The following CPNE4 variants were observed in gnomAD, a reference collection of about 807,000 sequenced individuals.
CPNE4 encodes the protein copine-4.
CPNE4 carries 25 observed loss-of-function variants against 67.9 expected under a neutral mutation model. The observed-to-expected ratio is 0.37, with a 90% confidence interval of 0.27 to 0.51. The LOEUF is 0.51. Among genes scored for constraint, CPNE4 ranks in the 20% least tolerant of loss-of-function variants. The pLI is 0.93. For missense variants in CPNE4, 464 were observed against 690.8 expected, an observed-to-expected ratio of 0.67 and a Z score of 3.68; for synonymous variants, 242 against 244.9, an observed-to-expected ratio of 0.99 and a Z score of 0.11.
chr3:131,631,853 T>C (rs527741611), intron 7 of CPNE4, among the ~76,000 whole-genome samples: 8 of 151,728 alleles, frequency 5.3e-5, no homozygotes, highest in Admixed American at 3.3e-4. Flanking sequence ...AGTTCTGTGA[T>C]AGGTGCTTTA....
At chr3:131,632,096 G>A (rs2079241039) in intron 7 of CPNE4, among the ~76,000 whole-genome samples, 1 of 150,546 alleles carries the variant, frequency 6.6e-6, no homozygotes. Flanking sequence ...TGCAGCCTCC[G>A]CCTCCTGGGC....
chr3:131,658,201 T>C (rs753378669), intron 7 of CPNE4, among the ~76,000 whole-genome samples: 4 of 152,162 alleles, frequency 2.6e-5, no homozygotes, highest in Non-Finnish European at 5.9e-5. Context: ...AGTCAGTTCT[T>C]CCAGGTCCCA....
At chr3:131,925,226 T>C (rs2070862089) in intron 1 of CPNE4, among the ~76,000 whole-genome samples, 1 of 151,538 alleles carries the variant, frequency 6.6e-6, no homozygotes, top group Non-Finnish European at 1.5e-5. Flanking sequence ...CTCTTCCCCC[T>C]TGCACTCTAC....
At chr3:131,610,868 C>T (rs751566546) in intron 7 of CPNE4, among the ~76,000 whole-genome samples, 15 of 152,022 alleles carry the variant, frequency 9.9e-5, no homozygotes, top group Non-Finnish European at 1.5e-4. Context: ...TCCAAGTGTA[C>T]GGGGAGTGGA....
At chr3:131,913,043 G>A (rs1050168420) in intron 1 of CPNE4, among the ~76,000 whole-genome samples, 2 of 152,156 alleles carry the variant, frequency 1.3e-5, no homozygotes, top group Non-Finnish European at 2.9e-5. Flanking sequence ...TACAGATCTA[G>A]TATTGAAGCA....
intron 2 of CPNE4, among the ~76,000 whole-genome samples, chr3:131,728,786 T>G (rs949284961): frequency 4.6e-5 from 7 of 150,746 alleles, no homozygotes; most frequent in Non-Finnish European, 1.0e-4. Context: ...GGCAGGCGCC[T>G]GTAGTCCCAG....
At chr3:131,547,699 C>A (rs1032670456) in intron 14 of CPNE4, among the ~76,000 whole-genome samples, 6 of 151,994 alleles carry the variant, frequency 3.9e-5, no homozygotes, top group African/African-American at 1.4e-4. Context: ...ATTCACTATT[C>A]TAAAGTAATT....
intron 1 of CPNE4, among the ~76,000 whole-genome samples, chr3:131,930,156 A>C (rs1211994193): frequency 1.3e-5 from 2 of 152,176 alleles, no homozygotes. Flanking sequence ...TTAACTTTCT[A>C]ATCAGAAAGC....
intron 3 of CPNE4, 82 bp from the exon 4 acceptor site, chr3:131,700,062 T>C: frequency 1.4e-6 from 1 of 740,680 alleles, no homozygotes; most frequent in Admixed American, 3.2e-5. Flanking sequence ...ACCTTTTTTT[T>C]TTTTTTTTTT....
At chr3:131,850,946 T>C (rs2086217015) in intron 2 of CPNE4, among the ~76,000 whole-genome samples, 1 of 152,090 alleles carries the variant, frequency 6.6e-6, no homozygotes, top group Non-Finnish European at 1.5e-5. Context: ...AATATGTACA[T>C]GCTCCATGAT....
chr3:131,692,377 G>T, intron 5 of CPNE4, among the ~76,000 whole-genome samples: 1 of 152,112 alleles, frequency 6.6e-6, no homozygotes, highest in Middle Eastern at 3.2e-3. Flanking sequence ...CATAATAGAT[G>T]CTCAATAATT....
intron 2 of CPNE4, among the ~76,000 whole-genome samples, chr3:131,902,841 A>G (rs567684219): frequency 1.3e-5 from 2 of 152,274 alleles, no homozygotes; most frequent in South Asian, 2.1e-4. Context: ...TAATGAGACT[A>G]ACAAAGTCAA....
chr3:131,821,070 CAT>C (rs774040442), intron 2 of CPNE4, among the ~76,000 whole-genome samples: 1 of 152,200 alleles, frequency 6.6e-6, no homozygotes, highest in Non-Finnish European at 1.5e-5. Flanking sequence ...GTAATCAACA[CAT>C]GTCTCATATT....
At chr3:131,700,014 A>G (rs752251387) in intron 3 of CPNE4, 34 bp from the exon 4 acceptor site, 5 of 1,381,568 alleles carry the variant, frequency 3.6e-6, no homozygotes, top group Non-Finnish European at 5.1e-6. Context: ...AACAAAAGGT[A>G]GAGATACTAG....
At chr3:131,716,012 A>G (rs576458011) in intron 3 of CPNE4, among the ~76,000 whole-genome samples, 1 of 152,228 alleles carries the variant, frequency 6.6e-6, no homozygotes, top group African/African-American at 2.4e-5. Flanking sequence ...AAGAATGGTC[A>G]ATTCTCCTTG....
chr3:131,611,736 T>C (rs1287260041), intron 7 of CPNE4, among the ~76,000 whole-genome samples: 1 of 152,124 alleles, frequency 6.6e-6, no homozygotes, highest in Non-Finnish European at 1.5e-5. Flanking sequence ...GACTTTCTTC[T>C]GACATTTGTA....
At chr3:131,816,819 T>G (rs750162343) in intron 2 of CPNE4, among the ~76,000 whole-genome samples, 13 of 152,196 alleles carry the variant, frequency 8.5e-5, no homozygotes, top group African/African-American at 3.1e-4. Flanking sequence ...TACCCTATAA[T>G]GTCAGCCTAC....
chr3:131,917,714 A>G (rs763211348), intron 1 of CPNE4, among the ~76,000 whole-genome samples: 5 of 152,184 alleles, frequency 3.3e-5, no homozygotes, highest in Non-Finnish European at 7.3e-5. Context: ...AGATCTCTCC[A>G]CTAGCACAGA....
intron 14 of CPNE4, among the ~76,000 whole-genome samples, chr3:131,547,039 A>C (rs903871396): frequency 3.2e-4 from 49 of 152,190 alleles, no homozygotes; most frequent in African/African-American, 1.1e-3. Flanking sequence ...CTTATTCCTA[A>C]ATCTTGCATC....
Sources: gnomAD v4.1 joint callset for allele counts (sites outside exome capture counted in the v4.1 genomes callset) on GRCh38, gnomAD v4.1.1 for gene constraint, MANE v1.5 for transcripts, NCBI Gene and HGNC (gene_info 2026-07-23, HGNC 2026-07-21) for gene names.